Variants in PSD2 observed in about 807,000 individuals in gnomAD.
The protein encoded by PSD2 is pleckstrin and Sec7 domain containing 2.
A neutral mutation model predicts 69.8 loss-of-function variants in PSD2; 38 were observed. The ratio of observed to expected loss-of-function variants is 0.54; its 90% confidence interval spans 0.42 to 0.71. The LOEUF (loss-of-function observed/expected upper bound fraction) is 0.71. PSD2 is among the 30% of genes least tolerant of loss of function. The pLI is 0.00. For synonymous variants in PSD2, 412 were observed against 423.0 expected (o/e 0.97, Z 0.32); for missense variants, 943 against 1,014.5 (o/e 0.93, Z 0.96).
chr5:139,825,661 G>A (rs1760397635), intron 7 of PSD2, among the ~76,000 whole-genome samples: 2 of 147,306 alleles, frequency 1.4e-5, no homozygotes, highest in Non-Finnish European at 3.0e-5. Flanking sequence ...CATTTCCTGA[G>A]AGGGGGAAGA....
At chr5:139,782,013 G>C in the PSD2 span, among the ~76,000 whole-genome samples, 2 of 152,142 alleles carry the variant, frequency 1.3e-5, no homozygotes, top group Non-Finnish European at 1.5e-5. Flanking sequence ...CCTGCCCAGG[G>C]GCCCGAGAAA....
At chr5:139,820,399 C>T (rs758136552) in intron 5 of PSD2, among the ~76,000 whole-genome samples, 12 of 151,974 alleles carry the variant, frequency 7.9e-5, no homozygotes, top group Non-Finnish European at 1.6e-4. Flanking sequence ...AGGAGGACAG[C>T]GAGCTGTCAG....
At chr5:139,779,321 T>C in the PSD2 span, among the ~76,000 whole-genome samples, 1 of 152,208 alleles carries the variant, frequency 6.6e-6, no homozygotes, top group Non-Finnish European at 1.5e-5. Flanking sequence ...ACAAAAAAGT[T>C]GAACAAATTT....
At chr5:139,822,356 A>G (rs1379618044) in intron 6 of PSD2, among the ~76,000 whole-genome samples, 1 of 152,198 alleles carries the variant, frequency 6.6e-6, no homozygotes, top group Non-Finnish European at 1.5e-5. Context: ...GACTTGCCCA[A>G]TAGATGGGCC....
chr5:139,841,931 C>T (rs978744350), intron 14 of PSD2, among the ~76,000 whole-genome samples: 2 of 152,114 alleles, frequency 1.3e-5, no homozygotes, highest in African/African-American at 4.8e-5. Flanking sequence ...AAATATTTTT[C>T]TCCCATTCTG....
the PSD2 span, among the ~76,000 whole-genome samples, chr5:139,764,047 C>A: frequency 2.1e-3 from 320 of 152,308 alleles, 2 homozygotes; most frequent in African/African-American, 7.2e-3. Flanking sequence ...CCTCAGTTTC[C>A]CCATCTGTGA....
At chr5:139,793,791 C>T (rs562421633), upstream of PSD2, among the ~76,000 whole-genome samples, 1 of 152,270 alleles carries the variant, frequency 6.6e-6, no homozygotes, top group South Asian at 2.1e-4. Context: ...CCATTGAGTG[C>T]ATCTGTGTGC....
At chr5:139,815,114 A>G (rs1760086388) in intron 4 of PSD2, among the ~76,000 whole-genome samples, 1 of 152,144 alleles carries the variant, frequency 6.6e-6, no homozygotes, top group Admixed American at 6.5e-5. Context: ...GGGAGATGAC[A>G]TGCAGGCTAG....
intron 2 of PSD2, among the ~76,000 whole-genome samples, chr5:139,813,076 A>G (rs1760012464): frequency 6.6e-6 from 1 of 152,118 alleles, no homozygotes; most frequent in Non-Finnish European, 1.5e-5. Flanking sequence ...TTTACTTGAG[A>G]TGGCGAGGCT....
chr5:139,821,121 T>C (rs981766660), intron 5 of PSD2, among the ~76,000 whole-genome samples: 2 of 152,046 alleles, frequency 1.3e-5, no homozygotes, highest in African/African-American at 4.8e-5. Flanking sequence ...TTAGTAGAGA[T>C]GGGGTTTCAC....
At chr5:139,817,622 A>C in intron 5 of PSD2, 61 bp downstream of exon 5, 295 of 1,350,070 alleles carry the variant, frequency 2.2e-4, no homozygotes, top group Middle Eastern at 3.6e-4. Context: ...CTGGATTCTC[A>C]TGTCAACTCT....
At chr5:139,811,336 G>A (rs992592486) in intron 2 of PSD2, among the ~76,000 whole-genome samples, 1 of 152,120 alleles carries the variant, frequency 6.6e-6, no homozygotes, top group African/African-American at 2.4e-5. Context: ...AGGCACTGGG[G>A]GGCCAAGGAG....
the PSD2 span, among the ~76,000 whole-genome samples, chr5:139,754,701 T>TA: frequency 5.0e-4 from 75 of 150,272 alleles, no homozygotes; most frequent in African/African-American, 9.3e-4. Context: ...TGCCTCAAAT[T>TA]AAAAAAAATA....
At chr5:139,773,154 A>T in the PSD2 span, among the ~76,000 whole-genome samples, 2 of 152,272 alleles carry the variant, frequency 1.3e-5, no homozygotes, top group East Asian at 3.9e-4. Context: ...GAAGTCATTC[A>T]TCTCGCAAAA....
the PSD2 span, among the ~76,000 whole-genome samples, chr5:139,775,708 G>A: frequency 6.6e-6 from 1 of 151,912 alleles, no homozygotes; most frequent in Non-Finnish European, 1.5e-5. Context: ...AGCTCTTATC[G>A]CCCAGGCTGG....
chr5:139,804,881 C>T lies in PSD2; in HGVS notation c.-50-4510C>T, dbSNP rs566216423. On this transcript the variant is annotated intron_variant, in intron 1 of 14. Coordinates refer to ENST00000274710, the MANE Select transcript of PSD2 (RefSeq NM_032289.4). ...TCTGTGTGTGTGCGTGTGTGTGTGT[C>T]TGTGTGCATGTGTGTGTGCGTGCGT... Among the ~76,000 whole-genome samples, 7 of 150,434 alleles carry T rather than the reference C, an allele frequency of 4.7e-5. No individual in the cohort carries two copies. The East Asian group carries it at 9.8e-4, about 21-fold the overall frequency.
chr5:139,818,644 A>T (rs185383570), intron 5 of PSD2, among the ~76,000 whole-genome samples: 1 of 152,248 alleles, frequency 6.6e-6, no homozygotes, highest in Admixed American at 6.5e-5. Flanking sequence ...ACCTGTTTTC[A>T]CTTCACTTCA....
chr5:139,833,082 G>T (rs1399220054), intron 7 of PSD2, among the ~76,000 whole-genome samples: 4 of 152,126 alleles, frequency 2.6e-5, no homozygotes, highest in African/African-American at 4.8e-5. Flanking sequence ...GTCTTGGAAG[G>T]CTTGCTGCCC....
rs774642850 is a variant in PSD2 at position 139,805,714 on chromosome 5, A to G, written c.-50-3677A>G. ...ATCTAGGGAAAGAGCATTCTAGGCC[A>G]CGGGTATAGCTGGTGCAAAGGCCCT... On this transcript the variant is annotated intron_variant, in intron 1 of 14. Coordinates refer to ENST00000274710, the MANE Select transcript of PSD2 (RefSeq NM_032289.4). Among the ~76,000 whole-genome samples, 7 of 151,952 alleles carry G rather than the reference A, an allele frequency of 4.6e-5. No homozygotes were observed. The East Asian group carries it at 1.2e-3, about 25-fold the overall frequency.
Sources: gnomAD v4.1 joint callset for allele counts (sites outside exome capture counted in the v4.1 genomes callset) on GRCh38, gnomAD v4.1.1 for gene constraint, MANE v1.5 for transcripts, NCBI Gene and HGNC (gene_info 2026-07-23, HGNC 2026-07-21) for gene names.